Variants in ZFHX3 observed in about 807,000 individuals in gnomAD.
ZFHX3 encodes the protein zinc finger homeobox 3.
Under a neutral mutation model 279.1 loss-of-function variants are expected in ZFHX3, and 42 were observed. That is an observed-to-expected ratio of 0.15 (90% CI 0.12 to 0.19). The LOEUF is 0.19. Ranked by LOEUF, ZFHX3 falls within the 10% of genes least tolerant of loss-of-function variation. The pLI is 1.00. For missense variants in ZFHX3, 4,981 were observed against 4,754.0 expected (o/e 1.05, Z -1.40); for synonymous variants, 2,293 against 1,957.8 (o/e 1.17, Z -4.52).
At chr16:73,821,965 A>G (rs328325) in intron 1 of ZFHX3, among the ~76,000 whole-genome samples, 2,416 of 152,326 alleles carry the variant, frequency 0.016, 79 homozygotes, top group African/African-American at 0.053. Context: ...GATGCTTGGC[A>G]GCCCATTCCA....
intron 3 of ZFHX3, among the ~76,000 whole-genome samples, chr16:73,332,164 T>G (rs942392290): frequency 1.3e-5 from 2 of 152,176 alleles, no homozygotes; most frequent in Non-Finnish European, 2.9e-5. Context: ...CCTGAAAAAG[T>G]TGACTACATA....
At chr16:73,357,480 T>C (rs1389943255) in intron 3 of ZFHX3, among the ~76,000 whole-genome samples, 1 of 151,978 alleles carries the variant, frequency 6.6e-6, no homozygotes, top group Non-Finnish European at 1.5e-5. Context: ...CCTTCTAGAA[T>C]TGAGAGAGAG....
intron 4 of ZFHX3, among the ~76,000 whole-genome samples, chr16:73,283,279 C>T (rs1262895778): frequency 6.6e-6 from 1 of 152,130 alleles, no homozygotes; most frequent in Non-Finnish European, 1.5e-5. Context: ...ATTGCGCTTA[C>T]TGATGTTATG....
At chr16:73,884,016 G>A (rs2030265432) in intron 1 of ZFHX3, among the ~76,000 whole-genome samples, 2 of 152,130 alleles carry the variant, frequency 1.3e-5, no homozygotes. Context: ...AACTGTACCA[G>A]GCTGTCACAG....
exon 1 of ZFHX3, chr16:73,891,753 TCTCTC>T (rs2030546397): frequency 6.6e-6 from 1 of 151,668 alleles, no homozygotes; most frequent in Admixed American, 6.6e-5. Flanking sequence ...TCTCTCTCTC[TCTCTC>T]TCTCTCTCTC....
chr16:73,204,141 T>G (rs965531671), intron 5 of ZFHX3, among the ~76,000 whole-genome samples: 11 of 151,998 alleles, frequency 7.2e-5, no homozygotes, highest in Non-Finnish European at 1.6e-4. Context: ...CCAACTTTTT[T>G]GGCATCAGGG....
chr16:73,512,779 G>A (rs1567506146), intron 2 of ZFHX3, among the ~76,000 whole-genome samples: 1 of 152,164 alleles, frequency 6.6e-6, no homozygotes, highest in South Asian at 2.1e-4. Context: ...AAGTGTCAGA[G>A]GGTCAGGAGG....
intron 2 of ZFHX3, among the ~76,000 whole-genome samples, chr16:73,534,739 A>G (rs2019864144): frequency 6.6e-6 from 1 of 152,248 alleles, no homozygotes. Flanking sequence ...CCATCATCGT[A>G]ATCGTCACAG....
At chr16:73,536,172 T>A (rs1211590970) in intron 2 of ZFHX3, among the ~76,000 whole-genome samples, 2 of 152,230 alleles carry the variant, frequency 1.3e-5, no homozygotes, top group Non-Finnish European at 2.9e-5. Context: ...ACCGATTACT[T>A]GATGCTTCTC....
intron 1 of ZFHX3, among the ~76,000 whole-genome samples, chr16:73,680,838 C>T (rs1048915661): frequency 6.6e-6 from 1 of 152,130 alleles, no homozygotes; most frequent in Non-Finnish European, 1.5e-5. Flanking sequence ...TTCATCTGTG[C>T]GTGTGAGTGG....
chr16:72,953,726 G>A (rs1347974010), intron 2 of ZFHX3, among the ~76,000 whole-genome samples: 1 of 152,126 alleles, frequency 6.6e-6, no homozygotes, highest in Non-Finnish European at 1.5e-5. Context: ...GACTACAGGT[G>A]CACCCCACTA....
chr16:73,048,931 C>A (rs1056238308), upstream of ZFHX3, among the ~76,000 whole-genome samples: 5 of 152,192 alleles, frequency 3.3e-5, no homozygotes, highest in African/African-American at 1.2e-4. Context: ...AGCCTCCAGG[C>A]TCCTTAGCCT....
At chr16:73,202,028 A>G (rs770311842) in intron 5 of ZFHX3, among the ~76,000 whole-genome samples, 17 of 152,240 alleles carry the variant, frequency 1.1e-4, no homozygotes, top group Non-Finnish European at 2.1e-4. Flanking sequence ...AAGAACATAA[A>G]TCAGTGGGAA....
intron 2 of ZFHX3, among the ~76,000 whole-genome samples, chr16:73,661,322 G>A (rs2052782136): frequency 2.0e-5 from 3 of 152,188 alleles, no homozygotes; most frequent in African/African-American, 7.2e-5. Context: ...TACAGTACCT[G>A]CTTAGAGCTT....
chr16:73,753,664 C>T (rs1407574688), intron 1 of ZFHX3, among the ~76,000 whole-genome samples: 1 of 152,232 alleles, frequency 6.6e-6, no homozygotes, highest in Admixed American at 6.5e-5. Flanking sequence ...AGCTCACCCT[C>T]AAATGCTTTG....
intron 2 of ZFHX3, among the ~76,000 whole-genome samples, chr16:73,558,926 G>A (rs2020328824): frequency 6.6e-6 from 1 of 151,444 alleles, no homozygotes; most frequent in Non-Finnish European, 1.5e-5. Flanking sequence ...TGGTGGCCAG[G>A]CTGGTTTTGA....
At chr16:73,797,753 T>C (rs1024357996) in intron 1 of ZFHX3, among the ~76,000 whole-genome samples, 2 of 151,006 alleles carry the variant, frequency 1.3e-5, no homozygotes, top group African/African-American at 4.9e-5. Context: ...ATTAGAATAA[T>C]AGGAATTACT....
chr16:73,337,143 C>G (rs577914921), intron 3 of ZFHX3, among the ~76,000 whole-genome samples: 1 of 152,264 alleles, frequency 6.6e-6, no homozygotes, highest in Non-Finnish European at 1.5e-5. Flanking sequence ...CTGTTAGTCC[C>G]AGGCTTTCAA....
chr16:72,901,279 C>A (rs763815239), intron 3 of ZFHX3, among the ~76,000 whole-genome samples: 1 of 152,166 alleles, frequency 6.6e-6, no homozygotes, highest in Non-Finnish European at 1.5e-5. Flanking sequence ...CAACCAAATG[C>A]GAGAGGAAAA....
Sources: gnomAD v4.1 joint callset for allele counts (sites outside exome capture counted in the v4.1 genomes callset) on GRCh38, gnomAD v4.1.1 for gene constraint, MANE v1.5 for transcripts, NCBI Gene and HGNC (gene_info 2026-07-23, HGNC 2026-07-21) for gene names.